FGF14: variants seen among roughly 807,000 people sequenced by gnomAD.
FGF14 encodes fibroblast growth factor 14, also known as fibroblast growth factor homologous factor 4.
A neutral mutation model predicts 25.5 loss-of-function variants in FGF14; 5 were observed. The ratio of observed to expected loss-of-function variants is 0.20; its 90% CI spans 0.10 to 0.41. The LOEUF (loss-of-function observed/expected upper bound fraction) is 0.41, where lower values mean the gene tolerates loss of function less well. Ranked by LOEUF, FGF14 falls within the 10% of genes least tolerant of loss-of-function variation. FGF14 has a pLI of 1.00. For synonymous variants in FGF14, 138 were observed against 118.3 expected (o/e 1.17, Z -1.08); for missense variants, 222 against 320.1 (o/e 0.69, Z 2.34).
At chr13:102,146,621 G>A (rs969259495) in intron 1 of FGF14, among the ~76,000 whole-genome samples, 7 of 152,090 alleles carry the variant, frequency 4.6e-5, no homozygotes, top group Non-Finnish European at 8.8e-5. Context: ...ACTAGTACAG[G>A]TATTTAGTGT....
intron 1 of FGF14, among the ~76,000 whole-genome samples, chr13:102,042,992 A>G (rs746002588): frequency 2.0e-5 from 3 of 152,220 alleles, no homozygotes; most frequent in African/African-American, 4.8e-5. Context: ...GGACTAAAAA[A>G]TACGAATTTA....
At chr13:102,090,367 T>A (rs1156381728) in intron 1 of FGF14, among the ~76,000 whole-genome samples, 2 of 152,198 alleles carry the variant, frequency 1.3e-5, no homozygotes, top group Non-Finnish European at 2.9e-5. Context: ...GCTTTTAGGT[T>A]ATAGAAAAGA....
chr13:102,217,439 G>A (rs1488568885), intron 1 of FGF14, among the ~76,000 whole-genome samples: 1 of 152,164 alleles, frequency 6.6e-6, no homozygotes, highest in Non-Finnish European at 1.5e-5. Flanking sequence ...CAATCTCAGT[G>A]TTACAACAAC....
At chr13:102,254,576 A>G (rs2052349904) in intron 1 of FGF14, among the ~76,000 whole-genome samples, 1 of 152,182 alleles carries the variant, frequency 6.6e-6, no homozygotes, top group Non-Finnish European at 1.5e-5. Context: ...ATCTGTAAGG[A>G]AGACCTACCA....
Position 101,927,725 on chromosome 13 carries a change from C to T in FGF14, c.209-52429G>A, listed in dbSNP as rs143679020. ...TCGGTGAGTCAACGATGTGCACAGG[C>T]TCCCAGCTTCCCTGCCTCTCCGGGG... On this transcript the variant is annotated intron_variant, in intron 1 of 4. Coordinates refer to the FGF14 transcript ENST00000376131. Among the ~76,000 whole-genome samples, 214 of 152,240 alleles carry T rather than the reference C, an allele frequency of 1.4e-3. 1 individual carries two copies. The highest frequency in any genetic ancestry group is 2.4e-3 in the Non-Finnish European group (163 of 68,014).
In FGF14 at chr13:102,135,686, C is replaced by T. The variant is rs569509237; in HGVS notation, c.209-260390G>A. 2.8e-4 allele frequency among the ~76,000 whole-genome samples: 43 copies of T among 152,260 alleles called. 2 individuals are homozygous for T. In the South Asian group the frequency reaches 7.0e-3, roughly 25 times the overall value. ...ATTGTTTGTTTTTGGGACGGAGTCT[C>T]GCTCTATTGCTCAGGCTGGAGTGCA... is the stretch of plus-strand genomic sequence containing the variant. On this transcript the variant is annotated intron_variant, in intron 1 of 4. Transcript: ENST00000376131.
intron 1 of FGF14, among the ~76,000 whole-genome samples, chr13:102,162,444 A>C (rs1055295623): frequency 2.0e-5 from 3 of 152,214 alleles, no homozygotes; most frequent in African/African-American, 7.2e-5. Flanking sequence ...TCACATTTAA[A>C]AAATCAATTC....
rs1473608948 is a variant in FGF14 at position 101,713,688 on chromosome 13, A to G, written c.*9143T>C. 1 of 152,112 alleles carries G rather than the reference A, an allele frequency of 6.6e-6. No individual in the cohort carries two copies. Among genetic ancestry groups the G allele is most frequent in the Non-Finnish European group, 1.5e-5 (1 of 68,022 alleles). 9.4% of individuals were successfully genotyped at this position (152,112 alleles called of 1,614,324 possible). A position where few individuals can be genotyped will look rare whatever the true frequency, so the allele number is the denominator to read the frequency against. On this transcript the variant is annotated 3_prime_UTR_variant, in exon 5 of 5. Coordinates refer to ENST00000376143, the MANE Select transcript of FGF14 (RefSeq NM_004115.4). ...TCTCATTTATTTTCTTTTATTTTAAATATATCATTAATAAAATTTTTACTC... is the reference window on the plus strand; with the variant it reads ...TCTCATTTATTTTCTTTTATTTTAAGTATATCATTAATAAAATTTTTACTC...
chr13:101,729,838 A>C (rs1485766564), intron 3 of FGF14, among the ~76,000 whole-genome samples: 2 of 152,204 alleles, frequency 1.3e-5, no homozygotes, highest in Non-Finnish European at 2.9e-5. Context: ...CAAGATAAAT[A>C]ATAGTCATTC....
chr13:101,901,868 T>C (rs1371773419), intron 1 of FGF14, among the ~76,000 whole-genome samples: 1 of 152,104 alleles, frequency 6.6e-6, no homozygotes, highest in East Asian at 1.9e-4. Flanking sequence ...GTTTGAAAAA[T>C]AAAGAGAATA....
chr13:101,797,163 C>T (rs1248842372), intron 3 of FGF14, among the ~76,000 whole-genome samples: 1 of 152,140 alleles, frequency 6.6e-6, no homozygotes, highest in East Asian at 1.9e-4. Flanking sequence ...TCTTTGTAAA[C>T]TTACTGAATG....
At chr13:101,819,181 T>C (rs2041990998) in intron 3 of FGF14, among the ~76,000 whole-genome samples, 1 of 152,170 alleles carries the variant, frequency 6.6e-6, no homozygotes, top group Non-Finnish European at 1.5e-5. Flanking sequence ...AAGTCACTAA[T>C]ACCTCAGAAC....
At chr13:102,138,577 C>A (rs143163446) in intron 1 of FGF14, among the ~76,000 whole-genome samples, 2,540 of 133,126 alleles carry the variant, frequency 0.019, 95 homozygotes, top group African/African-American at 0.07. Flanking sequence ...TCCTGCCATC[C>A]AAGGCCAGAG....
chr13:101,895,274 T>C (rs903171108), intron 1 of FGF14, among the ~76,000 whole-genome samples: 8 of 152,266 alleles, frequency 5.3e-5, no homozygotes, highest in Middle Eastern at 6.8e-3. Flanking sequence ...AAGAAATCAT[T>C]GGATTTTCAA....
At chr13:101,729,037 A>C (rs2035631970) in intron 3 of FGF14, among the ~76,000 whole-genome samples, 1 of 151,552 alleles carries the variant, frequency 6.6e-6, no homozygotes, top group African/African-American at 2.4e-5. Flanking sequence ...TTCTCGGTGG[A>C]TACCTTAAGG....
intron 1 of FGF14, among the ~76,000 whole-genome samples, chr13:102,081,976 A>T (rs1412891215): frequency 6.6e-6 from 1 of 152,212 alleles, no homozygotes; most frequent in East Asian, 1.9e-4. Flanking sequence ...ACAAACATTT[A>T]AAATTAGCTA....
chr13:101,998,937 A>G (rs548833340), intron 1 of FGF14, among the ~76,000 whole-genome samples: 1 of 152,222 alleles, frequency 6.6e-6, no homozygotes, highest in Admixed American at 6.5e-5. Flanking sequence ...TTCTTTTCCA[A>G]AATACTTTCT....
At chr13:102,273,311 G>T (rs2053345789) in intron 1 of FGF14, among the ~76,000 whole-genome samples, 2 of 152,120 alleles carry the variant, frequency 1.3e-5, no homozygotes, top group Admixed American at 6.5e-5. Flanking sequence ...ATGACAAAAA[G>T]AAATAGCAGC....
intron 1 of FGF14, among the ~76,000 whole-genome samples, chr13:101,994,903 C>T (rs1303702658): frequency 3.3e-5 from 5 of 151,864 alleles, no homozygotes; most frequent in South Asian, 4.1e-4. Context: ...TGTAATTAGG[C>T]GTTACATATG....
Sources: allele counts gnomAD v4.1 joint callset (sites outside exome capture counted in the v4.1 genomes callset), GRCh38; gene constraint gnomAD v4.1.1; transcripts MANE v1.5; gene names NCBI Gene and HGNC (gene_info 2026-07-23, HGNC 2026-07-21).